C1GALT1: variants seen among roughly 807,000 people sequenced by gnomAD.
C1GALT1 encodes glycoprotein-N-acetylgalactosamine 3-beta-galactosyltransferase 1.
Under a neutral mutation model 31.0 loss-of-function variants are expected in C1GALT1, and 11 were observed. The observed-to-expected ratio is 0.36, with a 90% CI of 0.22 to 0.59. C1GALT1 has a LOEUF of 0.59. Ranked by LOEUF, C1GALT1 falls within the 20% of genes least tolerant of loss-of-function variation. The pLI, the probability that C1GALT1 is intolerant of heterozygous loss-of-function variation, is 0.79. For synonymous variants in C1GALT1, 175 were observed against 143.6 expected (o/e 1.22, Z -1.56); for missense variants, 424 against 425.2 (o/e 1.00, Z 0.03).
intron 1 of C1GALT1, among the ~76,000 whole-genome samples, chr7:7,209,995 CA>C: frequency 6.6e-6 from 1 of 152,146 alleles, no homozygotes; most frequent in African/African-American, 2.4e-5. Context: ...CAGGATGAGC[CA>C]GGGGAAGGAA....
intron 1 of C1GALT1, among the ~76,000 whole-genome samples, chr7:7,225,164 T>C (rs1276218158): frequency 6.6e-6 from 1 of 152,204 alleles, no homozygotes; most frequent in East Asian, 1.9e-4. Flanking sequence ...ATTGTGCTCT[T>C]TTTGTTGAGT....
chr7:7,227,436 G>T (rs1232848586), intron 1 of C1GALT1, among the ~76,000 whole-genome samples: 1 of 152,110 alleles, frequency 6.6e-6, no homozygotes, highest in Non-Finnish European at 1.5e-5. Context: ...TAAAGAAAGG[G>T]AAGGCCGGGC....
chr7:7,193,406 T>C (rs1337910364), intron 1 of C1GALT1, among the ~76,000 whole-genome samples: 4 of 152,154 alleles, frequency 2.6e-5, no homozygotes, highest in African/African-American at 7.2e-5. Flanking sequence ...ATCTGTTGAA[T>C]AGGGTGTCCT....
chr7:7,225,272 C>T (rs372266742), intron 1 of C1GALT1, among the ~76,000 whole-genome samples: 6 of 152,090 alleles, frequency 3.9e-5, no homozygotes, highest in South Asian at 2.1e-4. Flanking sequence ...TTTGCTGTGC[C>T]GCTCTATTGT....
At position 7,227,694 on chromosome 7, in the gene C1GALT1, TG is replaced by T. The variant is rs1273891906; in HGVS notation, c.-17-6606del. On this transcript the variant is annotated intron_variant, in intron 1 of 3. Transcript: ENST00000436587. ...GAGATCCCGCCACTGCACTCCAGCC[TG>T]GGCAACAGAGCGAGACTCCGTCTCA... is the stretch of plus-strand genomic sequence containing the variant. 1.1e-4 allele frequency among the ~76,000 whole-genome samples: 15 copies of T among 135,484 alleles called. No individual in the cohort carries two copies. In the Admixed American group the frequency reaches 1.2e-3, roughly 11 times the overall value. 88.9% of individuals were successfully genotyped at this position (135,484 alleles called of 152,430 possible). A position where few individuals can be genotyped will look rare whatever the true frequency, so the allele number is the denominator to read the frequency against.
chr7:7,239,054 G>A (rs747813487), intron 3 of C1GALT1, 132 bp downstream of exon 3: 11 of 726,800 alleles, frequency 1.5e-5, no homozygotes, highest in Non-Finnish European at 2.0e-5. Context: ...TAAATAGAGT[G>A]GCAGTATAAC....
intron 1 of C1GALT1, among the ~76,000 whole-genome samples, chr7:7,209,044 A>G (rs1360783138): frequency 1.3e-5 from 2 of 152,220 alleles, no homozygotes; most frequent in African/African-American, 4.8e-5. Context: ...CTCTACTGTC[A>G]TCCAAGAATC....
At chr7:7,241,236 GATT>G (rs1402105926) in intron 3 of C1GALT1, among the ~76,000 whole-genome samples, 1 of 151,834 alleles carries the variant, frequency 6.6e-6, no homozygotes, top group African/African-American at 2.4e-5. Context: ...GAGAGCTCCT[GATT>G]TTTTTAAATT....
chr7:7,195,990 C>G (rs991306454), intron 1 of C1GALT1, among the ~76,000 whole-genome samples: 3 of 152,168 alleles, frequency 2.0e-5, no homozygotes, highest in African/African-American at 7.2e-5. Context: ...ATAGCTACTT[C>G]TGCTAGCTTT....
intron 3 of C1GALT1, among the ~76,000 whole-genome samples, chr7:7,241,266 A>C (rs1294498130): frequency 1.3e-5 from 2 of 152,006 alleles, no homozygotes; most frequent in Non-Finnish European, 2.9e-5. Flanking sequence ...TAATTATTCT[A>C]CTACCATTTT....
chr7:7,219,993 TA>T lies in C1GALT1; in HGVS notation c.-17-14309del, dbSNP rs1782436946. On this transcript the variant is annotated intron_variant, in intron 1 of 3. Transcript: ENST00000436587. ...ACCTTGTATTGATTCTGATTTGGGA[TA>T]TTAAATCTTTTTCATTTAGCACATC... Among the ~76,000 whole-genome samples, 3 of 152,234 alleles carry T rather than the reference TA, an allele frequency of 2.0e-5. No individual in the cohort carries two copies. In the South Asian group the frequency reaches 6.2e-4, roughly 31 times the overall value.
intron 2 of C1GALT1, among the ~76,000 whole-genome samples, chr7:7,168,526 A>G (rs1419616943): frequency 1.3e-5 from 2 of 152,232 alleles, no homozygotes; most frequent in African/African-American, 4.8e-5. Context: ...CCTAATAGGT[A>G]TAGCAGAGAG....
intron 1 of C1GALT1, among the ~76,000 whole-genome samples, chr7:7,194,810 T>C (rs986013487): frequency 6.6e-6 from 1 of 152,116 alleles, no homozygotes; most frequent in Non-Finnish European, 1.5e-5. Flanking sequence ...ATTCTGGACT[T>C]TTTGTTTGTT....
rs555873241 is a variant in C1GALT1, at chr7:7,220,678, C to T, written c.-17-13625C>T. Among the ~76,000 whole-genome samples the T allele has an allele frequency of 3.3e-5, 5 of 151,952 alleles. No homozygotes were observed. The East Asian group carries it at 5.8e-4, about 18-fold the overall frequency. The stretch of plus-strand genomic sequence containing the variant: ...CTGGGACTACAGGCATGTGCCACCA[C>T]GCCCAGCTGATTTTTGTATTTTTAG... On this transcript the variant is annotated intron_variant, in intron 1 of 3. Coordinates refer to ENST00000436587, the MANE Select transcript of C1GALT1 (RefSeq NM_020156.5).
At position 7,238,092 on chromosome 7, in the gene C1GALT1, G is replaced by A. The variant is rs906831258; in HGVS notation, c.221-163G>A. ...ACTGACATGAAACCAATAAATCAGA[G>A]TGTCAGTTCACATTAGGATGAGTTT... On this transcript the variant is annotated intron_variant, in intron 2 of 3. Transcript: ENST00000436587. The surrounding 1 kb of genome is among the most constrained non-coding windows in gnomAD (Gnocchi z 5.2). Among the ~76,000 whole-genome samples, 1 of 152,170 alleles carries A rather than the reference G, an allele frequency of 6.6e-6. No homozygotes were observed. Among genetic ancestry groups the A allele is most frequent in the Non-Finnish European group, 1.5e-5 (1 of 68,030 alleles).
chr7:7,167,616 TGAG>T (rs1780412310), intron 2 of C1GALT1, among the ~76,000 whole-genome samples: 1 of 151,982 alleles, frequency 6.6e-6, no homozygotes, highest in Admixed American at 6.6e-5. Flanking sequence ...TGATAATCAT[TGAG>T]AGGGTCTTTT....
At chr7:7,167,899 C>A (rs140358225) in intron 2 of C1GALT1, among the ~76,000 whole-genome samples, 324 of 152,250 alleles carry the variant, frequency 2.1e-3, no homozygotes, top group African/African-American at 7.4e-3. Context: ...TGGTTAGCTT[C>A]GGCCTTATGG....
chr7:7,189,687 G>A (rs1780973179), intron 1 of C1GALT1, among the ~76,000 whole-genome samples: 1 of 151,418 alleles, frequency 6.6e-6, no homozygotes, highest in Non-Finnish European at 1.5e-5. Context: ...TTCATTGCCA[G>A]AAGTTTATCC....
upstream of C1GALT1, among the ~76,000 whole-genome samples, chr7:7,180,975 TTG>T (rs1271660403): frequency 6.6e-6 from 1 of 152,146 alleles, no homozygotes; most frequent in Non-Finnish European, 1.5e-5. Flanking sequence ...TGGTCCAGTA[TTG>T]TTTCTAGCAA....
Sources: gnomAD v4.1 joint callset for allele counts (sites outside exome capture counted in the v4.1 genomes callset) on GRCh38, gnomAD v4.1.1 for gene constraint, Gnocchi (gnomAD v3.1) non-coding constraint, MANE v1.5 for transcripts, NCBI Gene and HGNC (gene_info 2026-07-23, HGNC 2026-07-21) for gene names.